The following MAGI2 variants were observed in gnomAD, a reference collection of about 807,000 sequenced individuals.
The protein encoded by MAGI2 is membrane associated guanylate kinase, WW and PDZ domain containing 2.
In MAGI2, 35 loss-of-function variants were observed where a neutral mutation model predicts 133.3. That is an observed-to-expected ratio of 0.26 (90% CI 0.20 to 0.35). MAGI2 has a LOEUF of 0.35. MAGI2 is among the 10% of genes least tolerant of loss of function. The pLI, the probability that MAGI2 is intolerant of heterozygous loss-of-function variation, is 1.00. For missense variants in MAGI2, 1,636 were observed against 1,863.4 expected (o/e 0.88, Z 2.25); for synonymous variants, 729 against 710.6 (o/e 1.03, Z -0.41).
intron 1 of MAGI2, among the ~76,000 whole-genome samples, chr7:79,317,001 GTTTTTTTT>G (rs1182186678): frequency 7.4e-6 from 1 of 134,268 alleles, no homozygotes; most frequent in Non-Finnish European, 1.6e-5. Context: ...AAAATGTAGG[GTTTTTTTT>G]TTTCTTTTTC....
chr7:78,842,956 G>T (rs1352797738), intron 2 of MAGI2, among the ~76,000 whole-genome samples: 1 of 151,638 alleles, frequency 6.6e-6, no homozygotes, highest in African/African-American at 2.4e-5. Flanking sequence ...TTTCTAAATT[G>T]CAAGTCCAAA....
At position 78,793,910 on chromosome 7, in the gene MAGI2, G is replaced by T. The variant is rs143316228; in HGVS notation, c.419-166671C>A. Among the ~76,000 whole-genome samples the T allele has an allele frequency of 8.5e-3, 1,294 of 152,134 alleles. 42 individuals carry two copies. The highest frequency in any genetic ancestry group is 0.05 in the Admixed American group (768 of 15,272). On this transcript the variant is annotated intron_variant, in intron 2 of 21. Coordinates refer to ENST00000354212, the MANE Select transcript of MAGI2 (RefSeq NM_012301.4). ...GATAGAATCCATGAAGATCTCTTGGGGACTCCTGTCTCATGTAGGTATTTA... is the reference window on the plus strand; with the variant it reads ...GATAGAATCCATGAAGATCTCTTGGTGACTCCTGTCTCATGTAGGTATTTA...
intron 1 of MAGI2, among the ~76,000 whole-genome samples, chr7:79,112,547 C>T (rs146109179): frequency 6.2e-4 from 95 of 152,278 alleles, no homozygotes; most frequent in African/African-American, 2.1e-3. Flanking sequence ...CTGCTAAGTG[C>T]AGATGTCAAT....
At chr7:78,979,598 C>T (rs1804607237) in intron 2 of MAGI2, among the ~76,000 whole-genome samples, 1 of 151,804 alleles carries the variant, frequency 6.6e-6, no homozygotes, top group Non-Finnish European at 1.5e-5. Flanking sequence ...CCCTCTCTAT[C>T]CTACAAAGCC....
At chr7:79,128,808 T>G (rs943219887) in intron 1 of MAGI2, among the ~76,000 whole-genome samples, 6 of 152,208 alleles carry the variant, frequency 3.9e-5, no homozygotes, top group African/African-American at 1.4e-4. Context: ...CATCGTAAGT[T>G]GAAAATTTCC....
At chr7:78,318,166 A>G (rs1032182783) in intron 9 of MAGI2, among the ~76,000 whole-genome samples, 12 of 152,184 alleles carry the variant, frequency 7.9e-5, no homozygotes, top group African/African-American at 2.2e-4. Context: ...GGGTAATAAC[A>G]AACTCCTCCA....
At chr7:78,526,086 A>C (rs1796925215) in intron 3 of MAGI2, among the ~76,000 whole-genome samples, 1 of 152,228 alleles carries the variant, frequency 6.6e-6, no homozygotes, top group Admixed American at 6.5e-5. Flanking sequence ...ACTATTTCCT[A>C]ATATTATATA....
intron 3 of MAGI2, among the ~76,000 whole-genome samples, chr7:78,569,898 T>G (rs1219633564): frequency 6.6e-6 from 1 of 152,238 alleles, no homozygotes; most frequent in Non-Finnish European, 1.5e-5. Flanking sequence ...ATCCAGTACG[T>G]AATCTTTTTG....
rs931116750 is a variant in MAGI2 at position 78,198,020 on chromosome 7, G to A, written c.2080-2957C>T. Among the ~76,000 whole-genome samples, 3 of 152,218 alleles carry A rather than the reference G, an allele frequency of 2.0e-5. No homozygotes were observed. In the East Asian group the frequency reaches 5.8e-4, roughly 29 times the overall value. ...TTTCTACCTGGGATACTCACTGTGT[G>A]CTCCTTTCTACCTTCATGAACCCCC... On this transcript the variant is annotated intron_variant, in intron 11 of 21. Coordinates refer to ENST00000354212, the MANE Select transcript of MAGI2 (RefSeq NM_012301.4).
chr7:78,070,168 CACACACATATATAT>C (rs1814370977), intron 21 of MAGI2, among the ~76,000 whole-genome samples: 5 of 78,100 alleles, frequency 6.4e-5, no homozygotes, highest in African/African-American at 1.7e-4. Context: ...TATATACACA[CACACACATATATAT>C]ATATATATAT....
At chr7:78,651,613 G>A (rs917970767) in intron 2 of MAGI2, among the ~76,000 whole-genome samples, 2 of 152,000 alleles carry the variant, frequency 1.3e-5, no homozygotes. Flanking sequence ...CAAAGAATTA[G>A]CATTCTATCC....
chr7:78,104,573 C>A (rs2151254131), intron 20 of MAGI2, among the ~76,000 whole-genome samples: 1 of 152,194 alleles, frequency 6.6e-6, no homozygotes, highest in South Asian at 2.1e-4. Flanking sequence ...CATTTTCCAT[C>A]CTTGTATGCT....
intron 9 of MAGI2, among the ~76,000 whole-genome samples, chr7:78,328,502 A>ACACACACACACACACACAC (rs368253994): frequency 9.5e-6 from 1 of 105,096 alleles, no homozygotes. Flanking sequence ...CCAGCTCTAA[A>ACACACACACACACACACAC]ACACACACAC....
At chr7:78,871,938 A>G (rs1248932260) in intron 2 of MAGI2, among the ~76,000 whole-genome samples, 1 of 152,094 alleles carries the variant, frequency 6.6e-6, no homozygotes, top group African/African-American at 2.4e-5. Context: ...AAAATATAAT[A>G]TACATATTAA....
In MAGI2 at chr7:78,137,625, C is replaced by T. The variant is rs951985923; in HGVS notation, c.2846-2419G>A. On this transcript the variant is annotated intron_variant, in intron 16 of 21. Transcript: ENST00000354212. ...GAGTAATATCCCCTAAGTATCAACA[C>T]AGGAAAATAGCTTCAGTTATGAAAG... 4.6e-5 allele frequency among the ~76,000 whole-genome samples: 7 copies of T among 152,096 alleles called. No individual in the cohort carries two copies. In the East Asian group the frequency reaches 7.7e-4, roughly 17 times the overall value.
At chr7:78,788,224 TA>T (rs886865917) in intron 2 of MAGI2, among the ~76,000 whole-genome samples, 9 of 152,216 alleles carry the variant, frequency 5.9e-5, no homozygotes, top group African/African-American at 1.9e-4. Context: ...AAAATAGTAA[TA>T]AAAAAATGTA....
chr7:78,496,532 T>C (rs924679882), intron 5 of MAGI2, among the ~76,000 whole-genome samples: 1 of 152,214 alleles, frequency 6.6e-6, no homozygotes, highest in African/African-American at 2.4e-5. Context: ...GAGTAGTGAA[T>C]TGCTGGCCAA....
chr7:79,411,863 T>C (rs751516137), intron 1 of MAGI2: 48 of 151,726 alleles, frequency 3.2e-4, no homozygotes, highest in Non-Finnish European at 5.6e-4. Flanking sequence ...AAAGGAAAAA[T>C]TGAATACTAT....
At chr7:78,578,728 T>C (rs1802527713) in intron 3 of MAGI2, among the ~76,000 whole-genome samples, 1 of 152,048 alleles carries the variant, frequency 6.6e-6, no homozygotes, top group Admixed American at 6.6e-5. Context: ...GATGTGAGTG[T>C]GTTAACACCT....
Sources: gnomAD v4.1 joint callset for allele counts (sites outside exome capture counted in the v4.1 genomes callset) on GRCh38, gnomAD v4.1.1 for gene constraint, MANE v1.5 for transcripts, NCBI Gene and HGNC (gene_info 2026-07-23, HGNC 2026-07-21) for gene names.